The following CD99L2 variants were observed in gnomAD, a reference collection of about 807,000 sequenced individuals.
CD99L2 encodes the protein CD99 antigen-like protein 2.
A neutral mutation model predicts 27.3 loss-of-function variants in CD99L2; 24 were observed. The observed-to-expected ratio is 0.88, with a 90% CI of 0.64 to 1.24. The LOEUF (loss-of-function observed/expected upper bound fraction) is 1.24, where lower values mean the gene tolerates loss of function less well. Ranked by LOEUF, CD99L2 falls within the 50% of genes most tolerant of loss-of-function variation. The probability of loss-of-function intolerance (pLI) is 0.00; values close to 1 mark genes in which losing one functional copy is unlikely to be tolerated. For missense variants in CD99L2, 255 were observed against 221.6 expected, an observed-to-expected ratio of 1.15 and a Z score of -0.96; for synonymous variants, 97 against 87.9, an observed-to-expected ratio of 1.10 and a Z score of -0.58.
chrX:150,778,922 G>T (rs1375659023), intron 7 of CD99L2, among the ~76,000 whole-genome samples: 2 of 110,708 alleles, frequency 1.8e-5, no homozygotes, highest in African/African-American at 6.6e-5. Flanking sequence ...GAAGATGGGG[G>T]TCACTGTGTG....
At chrX:150,796,302 G>C (rs2045796070) in intron 4 of CD99L2, among the ~76,000 whole-genome samples, 1 of 112,524 alleles carries the variant, frequency 8.9e-6, no homozygotes, top group South Asian at 3.7e-4. Context: ...CTTTGGTGTT[G>C]TCTGTGGATC....
At position 150,767,051 on chromosome X, in the gene CD99L2, A is replaced by G. The variant is rs1032408031; in HGVS notation, c.*1983T>C. On this transcript the variant is annotated 3_prime_UTR_variant, in exon 11 of 11. Coordinates refer to ENST00000370377, the MANE Select transcript of CD99L2 (RefSeq NM_031462.4). ...AGGGTTTCAAGGACTTAGCCATCCG[A>G]CAGGCCTCACCATAAAGGTAAAGTG... 1.6e-4 allele frequency: 18 copies of G among 111,973 alleles called. No individual in the cohort carries two copies. Among genetic ancestry groups the G allele is most frequent in the African/African-American group, 4.9e-4 (15 of 30,741 alleles). The allele number at this position is 111,973 out of a possible 1,213,427, so 9.2% of individuals were successfully genotyped here. A position where few individuals can be genotyped will look rare whatever the true frequency, so the allele number is the denominator to read the frequency against.
At chrX:150,847,740 C>T (rs1557421495) in intron 1 of CD99L2, among the ~76,000 whole-genome samples, 1 of 110,884 alleles carries the variant, frequency 9.0e-6, no homozygotes, top group Non-Finnish European at 1.9e-5. Flanking sequence ...CTGAATGGCA[C>T]AGCCACCCAC....
chrX:150,861,295 A>C (rs1557421900), intron 1 of CD99L2, among the ~76,000 whole-genome samples: 1 of 111,596 alleles, frequency 9.0e-6, no homozygotes, highest in Non-Finnish European at 1.9e-5. Context: ...AAGGAGCCCA[A>C]ATAGCCAAAG....
At chrX:150,855,389 G>A (rs1325550011) in intron 1 of CD99L2, among the ~76,000 whole-genome samples, 1 of 111,735 alleles carries the variant, frequency 8.9e-6, no homozygotes, top group Non-Finnish European at 1.9e-5. Flanking sequence ...CAGGAAGCAT[G>A]GCTGGGGAGG....
intron 7 of CD99L2, among the ~76,000 whole-genome samples, chrX:150,778,608 G>A (rs2124044111): frequency 9.5e-6 from 1 of 104,865 alleles, no homozygotes; most frequent in Admixed American, 1.0e-4. Context: ...GATTCATGTT[G>A]GTGTGCTGCA....
chrX:150,766,342 C>T lies in CD99L2; in HGVS notation c.*2692G>A, dbSNP rs1557418631. On this transcript the variant is annotated 3_prime_UTR_variant, in exon 11 of 11. Coordinates refer to ENST00000370377, the MANE Select transcript of CD99L2 (RefSeq NM_031462.4). ...CACCATCAGAAGACAAGAATCTGCT[C>T]GGTGCCATTTTATTTAATGCAAACA... 2 of 111,253 alleles carry T rather than the reference C, an allele frequency of 1.8e-5. No homozygotes were observed. The highest frequency in any genetic ancestry group is 3.3e-5 in the African/African-American group (1 of 30,496). 9.2% of individuals were successfully genotyped at this position (111,253 alleles called of 1,213,427 possible). A position where few individuals can be genotyped will look rare whatever the true frequency, so the allele number is the denominator to read the frequency against.
intron 9 of CD99L2, 150 bp from the exon 10 acceptor site, chrX:150,770,519 A>G: frequency 2.1e-6 from 1 of 469,222 alleles, no homozygotes; most frequent in East Asian, 3.7e-5. Flanking sequence ...AGCCACCTGA[A>G]CATCCTTATC....
rs782568224 is a variant in CD99L2, at chrX:150,793,702, T to C, written c.485A>G (p.Asp162Gly). The C allele has an allele frequency of 3.3e-6, 4 of 1,196,666 alleles. No individual in the cohort carries two copies. Among genetic ancestry groups the C allele is most frequent in the Non-Finnish European group, 4.5e-6 (4 of 888,674 alleles). ...ATCAATGCTCCTACCTTTACCCTTG[T>C]CAGGTTTGTATTCTCCACCCCCTAC... ...DIVGGGEYKP[D>G]KGKGDGRYGS... The change falls in exon 7 of 11, where the codon GAC (aspartate) becomes GGC (glycine). Residue 162 changes from aspartate (D) to glycine (G), a missense_variant. Coordinates refer to ENST00000370377, the MANE Select transcript of CD99L2 (RefSeq NM_031462.4).
intron 1 of CD99L2, among the ~76,000 whole-genome samples, chrX:150,862,094 T>C (rs2124321406): frequency 9.0e-6 from 1 of 111,662 alleles, no homozygotes; most frequent in East Asian, 2.8e-4. Context: ...ATAGATGAGG[T>C]CTATTTTCTT....
chrX:150,778,419 G>A (rs1322887588), intron 7 of CD99L2, among the ~76,000 whole-genome samples: 10 of 104,933 alleles, frequency 9.5e-5, no homozygotes, highest in African/African-American at 3.5e-4. Context: ...AGAGTCAGGA[G>A]GAATGGAGGT....
chrX:150,846,178 C>G (rs1033516001), intron 1 of CD99L2, among the ~76,000 whole-genome samples: 2 of 111,445 alleles, frequency 1.8e-5, no homozygotes, highest in Non-Finnish European at 3.8e-5. Context: ...GGCGACAGTG[C>G]GAGACTCTAT....
rs1436936610 is a variant in CD99L2 at position 150,766,410 on chromosome X, A to AGAT, written c.*2621_*2623dup. The stretch of plus-strand genomic sequence containing the variant: ...CACACCTGGACACAAGCACGTGAAC[A>AGAT]GATGTACAGGGAATTCTGGAATTTT... On this transcript the variant is annotated 3_prime_UTR_variant, in exon 11 of 11. Transcript: ENST00000370377. 1.8e-5 allele frequency: 2 copies of AGAT among 111,080 alleles called. No homozygotes were observed. The highest frequency in any genetic ancestry group is 4.3e-3 in the Middle Eastern group (1 of 235). The allele number at this position is 111,080 out of a possible 1,213,427, so 9.2% of individuals were successfully genotyped here. A position where few individuals can be genotyped will look rare whatever the true frequency, so the allele number is the denominator to read the frequency against.
At chrX:150,889,643 T>C (rs1557422722) in intron 1 of CD99L2, among the ~76,000 whole-genome samples, 3 of 112,201 alleles carry the variant, frequency 2.7e-5, no homozygotes, top group African/African-American at 9.7e-5. Context: ...GTTTTCTAGC[T>C]TCTCCTCTAC....
intron 1 of CD99L2, among the ~76,000 whole-genome samples, chrX:150,853,665 C>T (rs1603306356): frequency 9.0e-6 from 1 of 111,570 alleles, no homozygotes; most frequent in East Asian, 2.8e-4. Flanking sequence ...CACAGGTCTG[C>T]GACTATAATC....
chrX:150,793,855 T>C (rs1603291998), intron 6 of CD99L2, 99 bp from the exon 7 acceptor site: 2 of 675,146 alleles, frequency 3.0e-6, no homozygotes, highest in Non-Finnish European at 4.4e-6. Flanking sequence ...TGATTCCCAG[T>C]TCCACTTAAG....
At position 150,898,602 on chromosome X, in the gene CD99L2, C is replaced by A. The variant is rs781969727; in HGVS notation, c.-14G>T. The A allele has an allele frequency of 3.7e-6, 4 of 1,086,719 alleles. No homozygotes were observed. Among genetic ancestry groups the A allele is most frequent in the Non-Finnish European group, 4.8e-6 (4 of 837,902 alleles). The allele number at this position is 1,086,719 out of a possible 1,213,427, so 89.6% of individuals were successfully genotyped here. On this transcript the variant is annotated 5_prime_UTR_variant, in exon 1 of 11. Coordinates refer to ENST00000370377, the MANE Select transcript of CD99L2 (RefSeq NM_031462.4). ...CCAGGCCACCATGGCTGGGAGCAGG[C>A]GGAGGGCCCCGGAGGAGCACAGTTA...
intron 2 of CD99L2, among the ~76,000 whole-genome samples, chrX:150,827,818 G>A (rs1367020498): frequency 2.7e-5 from 3 of 111,620 alleles, no homozygotes; most frequent in African/African-American, 9.8e-5. Context: ...TGTGTATGGT[G>A]TGAGGTAACG....
In CD99L2 at chrX:150,831,312, A is replaced by C. The variant is rs2046441418; in HGVS notation, c.68-19T>G. 2 of 1,135,827 alleles carry C rather than the reference A, an allele frequency of 1.8e-6. No individual in the cohort carries two copies. The highest frequency in any genetic ancestry group is 3.6e-5 in the African/African-American group (2 of 55,240). The allele number at this position is 1,135,827 out of a possible 1,213,427, so 93.6% of individuals were successfully genotyped here. A position where few individuals can be genotyped will look rare whatever the true frequency, so the allele number is the denominator to read the frequency against. The stretch of plus-strand genomic sequence containing the variant: ...CCAGATCCTAAAAATTAAAAAAAAA[A>C]ATTAAACTATCTTTGCATAAAACAA... On this transcript the variant is annotated intron_variant, in intron 1 of 10. Coordinates refer to ENST00000370377, the MANE Select transcript of CD99L2 (RefSeq NM_031462.4).
Sources: allele counts gnomAD v4.1 joint callset (sites outside exome capture counted in the v4.1 genomes callset), GRCh38; gene constraint gnomAD v4.1.1; transcripts MANE v1.5; gene names NCBI Gene and HGNC (gene_info 2026-07-23, HGNC 2026-07-21).